COPG2: variants seen among roughly 807,000 people sequenced by gnomAD.
The protein encoded by COPG2 is coatomer subunit gamma-2.
COPG2 carries 37 observed loss-of-function variants against 46.3 expected under a neutral mutation model. That is an observed-to-expected ratio of 0.80 (90% CI 0.61 to 1.05). The LOEUF is 1.05. Ranked by LOEUF, COPG2 falls within the 50% of genes least tolerant of loss-of-function variation. COPG2 has a pLI of 0.00. For missense variants in COPG2, 427 were observed against 387.8 expected (o/e 1.10, Z -0.85); for synonymous variants, 159 against 129.7 (o/e 1.23, Z -1.53).
Position 130,506,715 on chromosome 7 carries a change from C to G in COPG2, c.2577G>C (p.Glu859Asp), listed in dbSNP as rs376587391. ...VTMQVTVRSK[E>D]RTPVDVILAS... ...CTAAGATAACATCTACAGGTGTTCTCTCTTTACTTCTGACAGTCACCTGCA... is the reference window on the plus strand; with the variant it reads ...CTAAGATAACATCTACAGGTGTTCTGTCTTTACTTCTGACAGTCACCTGCA... Residue 859 changes from glutamate to aspartate, a missense_variant, in exon 24 of 24, where the codon GAG becomes GAC. Transcript: ENST00000425248. The G allele has an allele frequency of 3.8e-6, 3 of 780,424 alleles. No homozygotes were observed. In the African/African-American group the frequency reaches 5.1e-5, roughly 13 times the overall value. The allele number at this position is 780,424 out of a possible 1,614,324, so 48.3% of individuals were successfully genotyped here.
At chr7:130,513,387 G>GTATA (rs1267193616) in intron 20 of COPG2, among the ~76,000 whole-genome samples, 3 of 105,448 alleles carry the variant, frequency 2.8e-5, no homozygotes, top group African/African-American at 1.0e-4. Flanking sequence ...GTGTGTGTGT[G>GTATA]TGTATATATA....
chr7:130,636,833 T>C (rs1320119857), intron 5 of COPG2, among the ~76,000 whole-genome samples: 5 of 152,184 alleles, frequency 3.3e-5, no homozygotes, highest in Non-Finnish European at 7.4e-5. Context: ...GTCTTTACCA[T>C]TTGGTATGTT....
intron 20 of COPG2, chr7:130,510,881 T>C: frequency 1.9e-6 from 1 of 517,000 alleles, no homozygotes; most frequent in Non-Finnish European, 3.9e-6. Flanking sequence ...AAATACTGAA[T>C]GCACTGCCAT....
At chr7:130,605,218 ACTCT>A (rs782139706) in intron 9 of COPG2, 2 of 519,886 alleles carry the variant, frequency 3.8e-6, no homozygotes, top group East Asian at 5.4e-5. Flanking sequence ...ACTCTCTTTG[ACTCT>A]CTCATCAGCC....
chr7:130,645,227 G>T, intron 5 of COPG2: 1 of 702,520 alleles, frequency 1.4e-6, no homozygotes. Flanking sequence ...TCGGCTGTGT[G>T]AGAAAGGCTC....
intron 20 of COPG2, among the ~76,000 whole-genome samples, chr7:130,529,547 G>A (rs1799804494): frequency 6.6e-6 from 1 of 152,148 alleles, no homozygotes; most frequent in African/African-American, 2.4e-5. Flanking sequence ...CCAAACTGAG[G>A]TGTCCGCAGA....
At chr7:130,625,437 T>C (rs560242508) in intron 5 of COPG2, among the ~76,000 whole-genome samples, 2 of 152,206 alleles carry the variant, frequency 1.3e-5, no homozygotes, top group African/African-American at 4.8e-5. Context: ...CAATGTTGAA[T>C]AGCAGTGAAG....
chr7:130,656,498 T>A (rs902931390), intron 4 of COPG2, among the ~76,000 whole-genome samples: 4 of 152,052 alleles, frequency 2.6e-5, no homozygotes, highest in Non-Finnish European at 5.9e-5. Flanking sequence ...ACTACCAGAG[T>A]ACACTCAAGA....
intron 18 of COPG2, 49 bp from the exon 19 acceptor site, chr7:130,548,591 C>T (rs1199094881): frequency 7.5e-6 from 3 of 397,982 alleles, no homozygotes; most frequent in African/African-American, 6.2e-5. Flanking sequence ...GGAAAGACTT[C>T]AGTCTGGATG....
chr7:130,613,596 G>A lies in COPG2; in HGVS notation c.440C>T (p.Ala147Val). The part of the protein sequence containing the change: ...LQAIERYMKQ[A>V]IVDKVSSVSS... The stretch of plus-strand genomic sequence containing the variant: ...TACACTGGAAACTTTATCCACAATG[G>A]CCTGCTTCATGTATCTTTCAATGGC... Residue 147 changes from alanine to valine, a missense_variant, in exon 7 of 24, where the codon GCC becomes GTC. Physicochemically the swap from Ala to Val is moderately conservative, Grantham distance 64. Coordinates refer to ENST00000425248, the MANE Select transcript of COPG2 (RefSeq NM_012133.6). 6.2e-7 allele frequency: 1 copy of A among 1,602,374 alleles called. No individual in the cohort carries two copies. Among genetic ancestry groups the A allele is most frequent in the Non-Finnish European group, 8.5e-7 (1 of 1,173,734 alleles).
intron 9 of COPG2, among the ~76,000 whole-genome samples, chr7:130,602,576 A>G (rs1554450512): frequency 1.3e-5 from 2 of 151,994 alleles, no homozygotes. Context: ...GGGTTCAAGC[A>G]ATTCTCCTGC....
rs1056032546 is a variant in COPG2, at chr7:130,564,336, C to A, written c.795G>T (p.Met265Ile). 4.3e-5 allele frequency: 17 copies of A among 398,444 alleles called. No homozygotes were observed. The highest frequency in any genetic ancestry group is 3.1e-4 in the African/African-American group (15 of 48,616). The allele number at this position is 398,444 out of a possible 1,614,324, so 24.7% of individuals were successfully genotyped here. A position where few individuals can be genotyped will look rare whatever the true frequency, so the allele number is the denominator to read the frequency against. Residue 265 changes from methionine to isoleucine, a missense_variant, in exon 10 of 24, where the codon ATG becomes ATT. Physicochemically the swap from Met to Ile is conservative, Grantham distance 10. Transcript: ENST00000425248. ...IESCLRNKHE[M>I]VIYEAASAII... Reference sequence around the variant, plus strand: ...TAGCTGAAGCAGCTTCATAAATAACCATTTCATGTTTATTTCGCAAGCAGC... The same window carrying A: ...TAGCTGAAGCAGCTTCATAAATAACAATTTCATGTTTATTTCGCAAGCAGC...
chr7:130,518,331 T>C (rs1360829083), intron 20 of COPG2, among the ~76,000 whole-genome samples: 1 of 152,156 alleles, frequency 6.6e-6, no homozygotes, highest in Non-Finnish European at 1.5e-5. Flanking sequence ...ATTAAAGAGC[T>C]TTGTTGATAA....
chr7:130,526,502 G>A (rs1236046500), intron 20 of COPG2, among the ~76,000 whole-genome samples: 2 of 152,008 alleles, frequency 1.3e-5, no homozygotes. Flanking sequence ...CAGCGCAACG[G>A]GGGAGTCACC....
chr7:130,522,421 CA>C (rs1799731398), intron 20 of COPG2, among the ~76,000 whole-genome samples: 1 of 151,990 alleles, frequency 6.6e-6, no homozygotes, highest in African/African-American at 2.4e-5. Context: ...ATGTAAACTT[CA>C]AGGATAGGAA....
chr7:130,645,993 A>G (rs1584605908), intron 5 of COPG2, among the ~76,000 whole-genome samples: 2 of 152,140 alleles, frequency 1.3e-5, no homozygotes, highest in African/African-American at 4.8e-5. Context: ...CTTTGATCAT[A>G]CTTTGTCTTC....
intron 9 of COPG2, among the ~76,000 whole-genome samples, chr7:130,577,363 G>A (rs36075260): frequency 1.3e-5 from 2 of 152,132 alleles, no homozygotes; most frequent in East Asian, 1.9e-4. Flanking sequence ...CTTGGGAAGC[G>A]CAAGGGTCAG....
intron 5 of COPG2, among the ~76,000 whole-genome samples, chr7:130,619,515 C>T (rs1181348365): frequency 2.6e-5 from 4 of 152,074 alleles, no homozygotes; most frequent in African/African-American, 9.7e-5. Flanking sequence ...CGTGTATCTC[C>T]AAATTTTTGT....
intron 5 of COPG2, among the ~76,000 whole-genome samples, chr7:130,630,011 G>A (rs1243683816): frequency 6.0e-5 from 9 of 150,836 alleles, no homozygotes; most frequent in Non-Finnish European, 1.2e-4. Context: ...TCTGCCTCCC[G>A]GGTTCAAGTG....
Sources: allele counts gnomAD v4.1 joint callset (sites outside exome capture counted in the v4.1 genomes callset), GRCh38; gene constraint gnomAD v4.1.1; transcripts MANE v1.5; gene names NCBI Gene and HGNC (gene_info 2026-07-23, HGNC 2026-07-21).